The following SGCZ variants were observed in gnomAD, a reference collection of about 807,000 sequenced individuals.
SGCZ encodes zeta-sarcoglycan.
A neutral mutation model predicts 41.3 loss-of-function variants in SGCZ; 40 were observed. The observed-to-expected ratio is 0.97, with a 90% CI of 0.75 to 1.26. SGCZ has a LOEUF of 1.26. SGCZ is among the 50% of genes most tolerant of loss of function. The probability of loss-of-function intolerance (pLI) is 0.00; values close to 1 mark genes in which losing one functional copy is unlikely to be tolerated. For missense variants in SGCZ, 552 were observed against 369.8 expected (o/e 1.49, Z -4.04); for synonymous variants, 206 against 137.5 (o/e 1.50, Z -3.49).
intron 1 of SGCZ, among the ~76,000 whole-genome samples, chr8:15,092,360 C>T (rs1428495852): frequency 6.6e-6 from 1 of 152,126 alleles, no homozygotes; most frequent in African/African-American, 2.4e-5. Flanking sequence ...AAACTTTTAT[C>T]TTGATGTTTA....
chr8:14,578,094 C>T (rs991224521), intron 1 of SGCZ, among the ~76,000 whole-genome samples: 12 of 152,148 alleles, frequency 7.9e-5, no homozygotes, highest in Admixed American at 3.3e-4. Context: ...ACATTGAGGC[C>T]TATTTTATCA....
intron 1 of SGCZ, among the ~76,000 whole-genome samples, chr8:15,065,449 A>G (rs1345590360): frequency 8.0e-6 from 1 of 124,988 alleles, no homozygotes; most frequent in Admixed American, 8.1e-5. Context: ...TATTATTATT[A>G]TTATTATTAT....
intron 5 of SGCZ, among the ~76,000 whole-genome samples, chr8:14,133,602 T>C (rs1803106479): frequency 6.6e-6 from 1 of 152,128 alleles, no homozygotes; most frequent in Non-Finnish European, 1.5e-5. Flanking sequence ...AGGAACAGGA[T>C]TGGGTAGGAC....
At chr8:15,113,614 G>C (rs539162253) in intron 1 of SGCZ, among the ~76,000 whole-genome samples, 1 of 152,216 alleles carries the variant, frequency 6.6e-6, no homozygotes, top group African/African-American at 2.4e-5. Flanking sequence ...AACTACCATC[G>C]TGAGGTATAA....
intron 3 of SGCZ, among the ~76,000 whole-genome samples, chr8:14,279,062 C>T (rs1409163670): frequency 6.6e-6 from 1 of 151,966 alleles, no homozygotes; most frequent in Non-Finnish European, 1.5e-5. Context: ...AGATATTGTG[C>T]CACTTCTCTT....
intron 1 of SGCZ, among the ~76,000 whole-genome samples, chr8:15,044,786 A>G (rs562520663): frequency 1.3e-5 from 2 of 152,152 alleles, no homozygotes; most frequent in East Asian, 3.9e-4. Flanking sequence ...GGTTAGGAAG[A>G]CCTACCTCCT....
In SGCZ at chr8:14,531,690, T is replaced by C. The variant is rs73190285; in HGVS notation, c.234+23042A>G. On this transcript the variant is annotated intron_variant, in intron 2 of 7. Transcript: ENST00000382080. ...ATGTCACTTAATAGATTCTTCTCTC[T>C]TTTTTTCTACCCCTCAAACCTAAAT... 1.5e-3 allele frequency among the ~76,000 whole-genome samples: 234 copies of C among 152,194 alleles called. 1 individual carries two copies. Among genetic ancestry groups the C allele is most frequent in the South Asian group, 3.3e-3 (16 of 4,822 alleles).
intron 2 of SGCZ, among the ~76,000 whole-genome samples, chr8:14,325,022 C>T (rs1048708993): frequency 1.3e-5 from 2 of 152,032 alleles, no homozygotes; most frequent in Admixed American, 1.3e-4. Context: ...GGAGAGAAAG[C>T]AATGGAGAGT....
intron 1 of SGCZ, among the ~76,000 whole-genome samples, chr8:14,589,742 AACAC>A (rs1038682288): frequency 4.6e-5 from 7 of 152,182 alleles, no homozygotes; most frequent in Admixed American, 1.3e-4. Flanking sequence ...GTAAAAGAAA[AACAC>A]ACAGCACAAA....
intron 1 of SGCZ, among the ~76,000 whole-genome samples, chr8:14,765,695 A>G (rs1367773328): frequency 6.6e-6 from 1 of 152,216 alleles, no homozygotes; most frequent in Non-Finnish European, 1.5e-5. Context: ...TTCAGTAAAC[A>G]AGTGCATTTT....
chr8:14,376,054 C>T (rs1167335254), intron 2 of SGCZ, among the ~76,000 whole-genome samples: 3 of 152,176 alleles, frequency 2.0e-5, no homozygotes, highest in South Asian at 2.1e-4. Context: ...TGGCTCATGC[C>T]GGTAATCCCA....
chr8:14,271,560 G>A (rs1463993180), intron 3 of SGCZ, among the ~76,000 whole-genome samples: 1 of 152,138 alleles, frequency 6.6e-6, no homozygotes, highest in Non-Finnish European at 1.5e-5. Flanking sequence ...CTTAGGTATT[G>A]GAACAAACCT....
At chr8:15,107,664 T>G (rs1432991624) in intron 1 of SGCZ, among the ~76,000 whole-genome samples, 1 of 152,180 alleles carries the variant, frequency 6.6e-6, no homozygotes, top group Non-Finnish European at 1.5e-5. Context: ...TTTGTTTGTT[T>G]ATTTTTGTTT....
intron 1 of SGCZ, among the ~76,000 whole-genome samples, chr8:14,566,187 T>C (rs928915676): frequency 2.0e-5 from 3 of 152,208 alleles, no homozygotes; most frequent in African/African-American, 7.2e-5. Flanking sequence ...TGCTGACTAT[T>C]TAGATAAAGA....
At chr8:14,553,614 G>A (rs1477269534) in intron 2 of SGCZ, among the ~76,000 whole-genome samples, 1 of 152,022 alleles carries the variant, frequency 6.6e-6, no homozygotes, top group Non-Finnish European at 1.5e-5. Context: ...TAAGCCACCT[G>A]CCCGCACAGG....
intron 4 of SGCZ, among the ~76,000 whole-genome samples, chr8:14,214,514 T>G (rs1054315640): frequency 4.1e-4 from 62 of 152,194 alleles, no homozygotes; most frequent in African/African-American, 1.4e-3. Context: ...TGGAACTTTC[T>G]GTACTAGTTT....
At chr8:14,914,035 A>G (rs1043914632) in intron 1 of SGCZ, among the ~76,000 whole-genome samples, 1 of 152,136 alleles carries the variant, frequency 6.6e-6, no homozygotes, top group African/African-American at 2.4e-5. Context: ...GTCAGTTTAT[A>G]AAATACAAAT....
chr8:14,839,246 A>G (rs1364879270), intron 1 of SGCZ, among the ~76,000 whole-genome samples: 2 of 152,092 alleles, frequency 1.3e-5, no homozygotes, highest in Non-Finnish European at 2.9e-5. Flanking sequence ...AGGGAGAAAG[A>G]GAGAGAAAAA....
chr8:14,427,845 A>C (rs1799830178), intron 2 of SGCZ, among the ~76,000 whole-genome samples: 1 of 152,190 alleles, frequency 6.6e-6, no homozygotes, highest in Admixed American at 6.5e-5. Context: ...AGATTCAACC[A>C]ATCATGGATG....
Sources: allele counts gnomAD v4.1 joint callset (sites outside exome capture counted in the v4.1 genomes callset), GRCh38; gene constraint gnomAD v4.1.1; transcripts MANE v1.5; gene names NCBI Gene and HGNC (gene_info 2026-07-23, HGNC 2026-07-21).